Variants in AMPD3 observed in about 807,000 individuals in gnomAD.
AMPD3 encodes adenosine monophosphate deaminase 3.
Under a neutral mutation model 82.3 loss-of-function variants are expected in AMPD3, and 57 were observed. That is an observed-to-expected ratio of 0.69 (90% CI 0.56 to 0.86). The LOEUF (loss-of-function observed/expected upper bound fraction) is 0.86, where lower values mean the gene tolerates loss of function less well. AMPD3 is among the 40% of genes least tolerant of loss of function. The pLI, the probability that AMPD3 is intolerant of heterozygous loss-of-function variation, is 0.00. For synonymous variants in AMPD3, 381 were observed against 394.7 expected (o/e 0.97, Z 0.41); for missense variants, 870 against 1,003.8 (o/e 0.87, Z 1.80).
intron 2 of AMPD3, among the ~76,000 whole-genome samples, chr11:10,465,713 A>G (rs2133836997): frequency 6.6e-6 from 1 of 152,298 alleles, no homozygotes; most frequent in Middle Eastern, 3.4e-3. Context: ...TGGTCCTTGC[A>G]ACCTGCAGAC....
intron 13 of AMPD3, chr11:10,504,171 A>G (rs1264816687): frequency 2.1e-6 from 2 of 966,406 alleles, no homozygotes; most frequent in East Asian, 2.3e-4. Flanking sequence ...TCATCTATCT[A>G]TCTATTGCAA....
intron 8 of AMPD3, 74 bp downstream of exon 8, chr11:10,495,104 G>T: frequency 6.2e-7 from 1 of 1,612,528 alleles, no homozygotes; most frequent in Non-Finnish European, 8.5e-7. Context: ...TGGGGGCCCT[G>T]TGTGCCCCTG....
chr11:10,488,857 C>G (rs1849157623), intron 6 of AMPD3, among the ~76,000 whole-genome samples: 1 of 152,170 alleles, frequency 6.6e-6, no homozygotes, highest in Non-Finnish European at 1.5e-5. Flanking sequence ...GATGTGGCTC[C>G]TCTGGGAAAG....
chr11:10,497,602 A>G (rs72857499), intron 10 of AMPD3: 72,457 of 984,892 alleles, frequency 0.074, 2,988 homozygotes, highest in Non-Finnish European at 0.08. Context: ...GGGCACGGGG[A>G]AAGAATTGAG....
At chr11:10,490,128 C>T (rs1489653627) in intron 6 of AMPD3, among the ~76,000 whole-genome samples, 3 of 152,160 alleles carry the variant, frequency 2.0e-5, no homozygotes, top group East Asian at 1.9e-4. Context: ...GGAGCTGCGA[C>T]GTGGCCGTGG....
intron 2 of AMPD3, chr11:10,477,808 C>T (rs1414537603): frequency 1.1e-6 from 1 of 918,826 alleles, no homozygotes; most frequent in Non-Finnish European, 1.3e-6. Context: ...TTTGTGCCAG[C>T]CCTTTCCCAT....
At chr11:10,483,329 A>G (rs1034059270) in intron 4 of AMPD3, among the ~76,000 whole-genome samples, 1 of 152,180 alleles carries the variant, frequency 6.6e-6, no homozygotes, top group African/African-American at 2.4e-5. Context: ...GGTGGTCTCC[A>G]TCAATGCCTG....
chr11:10,456,535 T>C lies in AMPD3; in HGVS notation c.-6+1087T>C. ...TGGCACCATGAAAAGTTACTGTTTG[T>C]TGAAACTGGCAGTGTTTTAGAACTT... On this transcript the variant is annotated intron_variant, in intron 1 of 14. Transcript: ENST00000396553. The surrounding 1 kb of genome is among the most constrained non-coding windows in gnomAD (Gnocchi z 4.3). 6.2e-7 allele frequency: 1 copy of C among 1,603,386 alleles called. No individual in the cohort carries two copies. The highest frequency in any genetic ancestry group is 8.5e-7 in the Non-Finnish European group (1 of 1,174,426).
rs374790366 is a variant in AMPD3 at position 10,495,023 on chromosome 11, T to C, written c.1259T>C (p.Met420Thr). Reference sequence around the variant, plus strand: ...CTGGGAGGAGAGTACTTTGCTCGGATGGTCAAGGTGAGTGAACCCTCAGTC... The same window carrying C: ...CTGGGAGGAGAGTACTTTGCTCGGACGGTCAAGGTGAGTGAACCCTCAGTC... Reference protein sequence around the residue: ...NYLGGEYFARMVKEVARELEE... With the variant: ...NYLGGEYFARTVKEVARELEE... Residue 420 changes from methionine (M) to threonine (T), a missense_variant, in exon 8 of 15, where the codon ATG becomes ACG. Coordinates refer to ENST00000396553, the MANE Select transcript of AMPD3 (RefSeq NM_001025389.2). The C allele has an allele frequency of 6.2e-7, 1 of 1,614,058 alleles. No homozygotes were observed.
At chr11:10,458,894 T>C (rs1220429699) in intron 1 of AMPD3, among the ~76,000 whole-genome samples, 3 of 152,278 alleles carry the variant, frequency 2.0e-5, no homozygotes, top group African/African-American at 7.2e-5. Context: ...TCTTCTGAGA[T>C]GCGATGTGAG....
intron 3 of AMPD3, chr11:10,481,802 T>TG: frequency 2.0e-6 from 1 of 508,604 alleles, no homozygotes; most frequent in Non-Finnish European, 3.6e-6. Context: ...GGGTTTTCAC[T>TG]GGGGCTGGTC....
At chr11:10,501,027 T>G (rs1012975396) in intron 11 of AMPD3, 1 of 985,200 alleles carries the variant, frequency 1.0e-6, no homozygotes, top group Non-Finnish European at 1.2e-6. Flanking sequence ...CTTTTGGAGA[T>G]GGGGGCTCTG....
At chr11:10,459,941 C>A (rs1848209428) in intron 1 of AMPD3, among the ~76,000 whole-genome samples, 1 of 151,304 alleles carries the variant, frequency 6.6e-6, no homozygotes, top group African/African-American at 2.4e-5. Context: ...GCTCTCTATG[C>A]CTTCATTTTC....
At position 10,465,819 on chromosome 11, in the gene AMPD3, G is replaced by GTTTT. The variant is rs61540424; in HGVS notation, c.221+4097_221+4100dup. Reference sequence around the variant, plus strand: ...GGCAGACACTGAACTAGCTGCAGGAGTTTTTTTTTTTTTTTTTTTTTCTGT... The same window carrying GTTTT: ...GGCAGACACTGAACTAGCTGCAGGAGTTTTTTTTTTTTTTTTTTTTTTTTTCTGT... On this transcript the variant is annotated intron_variant, in intron 2 of 14. Coordinates refer to ENST00000396553, the MANE Select transcript of AMPD3 (RefSeq NM_001025389.2). Among the ~76,000 whole-genome samples, 3 of 132,134 alleles carry GTTTT rather than the reference G, an allele frequency of 2.3e-5. 1 individual carries two copies. Among genetic ancestry groups the GTTTT allele is most frequent in the Non-Finnish European group, 4.9e-5 (3 of 61,840 alleles). The allele number at this position is 132,134 out of a possible 152,430, so 86.7% of individuals were successfully genotyped here. A position where few individuals can be genotyped will look rare whatever the true frequency, so the allele number is the denominator to read the frequency against.
chr11:10,461,395 C>T (rs1848265240), intron 1 of AMPD3, 120 bp from the exon 2 acceptor site: 10 of 1,600,462 alleles, frequency 6.2e-6, no homozygotes, highest in Non-Finnish European at 8.5e-6. Context: ...CTGGGGCATT[C>T]CTAAGTAGAC....
intron 6 of AMPD3, among the ~76,000 whole-genome samples, chr11:10,487,999 T>A (rs1303776234): frequency 3.9e-5 from 6 of 152,096 alleles, no homozygotes; most frequent in Non-Finnish European, 8.8e-5. Context: ...AAAATAAAAT[T>A]TAAATTCCCT....
intron 14 of AMPD3, chr11:10,505,059 C>G (rs1204611974): frequency 5.2e-6 from 5 of 955,378 alleles, no homozygotes; most frequent in Admixed American, 6.2e-5. Flanking sequence ...TAGATAGTCC[C>G]TGGCACATAG....
intron 9 of AMPD3, 107 bp downstream of exon 9, chr11:10,495,840 C>T (rs1193642330): frequency 1.4e-6 from 2 of 1,415,122 alleles, no homozygotes; most frequent in Non-Finnish European, 2.0e-6. Flanking sequence ...GTTCTGGTGC[C>T]AGCTTACGCT....
At chr11:10,498,018 G>A (rs1315828218) in intron 10 of AMPD3, among the ~76,000 whole-genome samples, 1 of 152,160 alleles carries the variant, frequency 6.6e-6, no homozygotes, top group Non-Finnish European at 1.5e-5. Context: ...TGACACACAA[G>A]GAAATTAAAA....
Sources: gnomAD v4.1 joint callset for allele counts (sites outside exome capture counted in the v4.1 genomes callset) on GRCh38, gnomAD v4.1.1 for gene constraint, Gnocchi (gnomAD v3.1) non-coding constraint, MANE v1.5 for transcripts, NCBI Gene and HGNC (gene_info 2026-07-23, HGNC 2026-07-21) for gene names.